The following PNPLA1 variants were observed in gnomAD, a reference collection of about 807,000 sequenced individuals.
PNPLA1 encodes the protein omega-hydroxyceramide transacylase.
In PNPLA1, 36 loss-of-function variants were observed where a neutral mutation model predicts 51.7. The observed-to-expected ratio is 0.70, with a 90% CI of 0.53 to 0.92. The LOEUF (loss-of-function observed/expected upper bound fraction) is 0.92. PNPLA1 is among the 40% of genes least tolerant of loss of function. The pLI is 0.00. For synonymous variants in PNPLA1, 293 were observed against 280.1 expected (o/e 1.05, Z -0.46); for missense variants, 658 against 682.5 (o/e 0.96, Z 0.40).
chr6:36,273,335 C>G (rs1366832650), intron 1 of PNPLA1, among the ~76,000 whole-genome samples: 1 of 152,058 alleles, frequency 6.6e-6, no homozygotes, highest in African/African-American at 2.4e-5. Flanking sequence ...TCCCCCACTC[C>G]CTCCTCTAGC....
At chr6:36,306,724 T>C (rs1034517475) in intron 7 of PNPLA1, among the ~76,000 whole-genome samples, 3 of 152,178 alleles carry the variant, frequency 2.0e-5, no homozygotes, top group Non-Finnish European at 2.9e-5. Flanking sequence ...GCAGGCATCC[T>C]ACCTCCCAGC....
intron 1 of PNPLA1, among the ~76,000 whole-genome samples, chr6:36,280,665 C>A (rs1770251632): frequency 6.6e-6 from 1 of 152,198 alleles, no homozygotes; most frequent in African/African-American, 2.4e-5. Flanking sequence ...CCCACAGTTA[C>A]CACATCATCA....
chr6:36,276,133 A>G (rs1770090155), intron 1 of PNPLA1, among the ~76,000 whole-genome samples: 1 of 151,470 alleles, frequency 6.6e-6, no homozygotes, highest in African/African-American at 2.4e-5. Context: ...TAATTTTTGT[A>G]TTTTTAGTAG....
rs1769864020 is a variant in PNPLA1, at chr6:36,270,107, T to C, written c.-353T>C. Among the ~76,000 whole-genome samples the C allele has an allele frequency of 6.6e-6, 1 of 152,194 alleles. No individual in the cohort carries two copies. Among genetic ancestry groups the C allele is most frequent in the African/African-American group, 2.4e-5 (1 of 41,452 alleles). On this transcript the variant is annotated 5_prime_UTR_variant, in exon 1 of 9. The change abolishes an upstream ATG in the 5' untranslated region. Transcript: ENST00000636260. ...GCAGTGAATGCGCCCTGGTATACCA[T>C]GGATGGGCAGAGGGCTGAGGATCCC...
intron 5 of PNPLA1, among the ~76,000 whole-genome samples, chr6:36,295,861 T>C (rs189155574): frequency 5.9e-5 from 9 of 152,346 alleles, no homozygotes; most frequent in African/African-American, 2.2e-4. Flanking sequence ...GAGTGACCTA[T>C]TGATCAGCAA....
In PNPLA1 at chr6:36,291,311, C is replaced by G. The variant is rs1770668307; in HGVS notation, c.206-9C>G. On this transcript the variant is annotated splice_polypyrimidine_tract_variant and intron_variant, in intron 1 of 8. Transcript: ENST00000636260. ...ACCGACCACCCCCTCTTCTCTGCTTCCTTTGCAGATGAGTATCTCAGAGTC... is the reference window on the plus strand; with the variant it reads ...ACCGACCACCCCCTCTTCTCTGCTTGCTTTGCAGATGAGTATCTCAGAGTC... The G allele has an allele frequency of 6.2e-7, 1 of 1,612,576 alleles. No individual in the cohort carries two copies. The highest frequency in any genetic ancestry group is 8.5e-7 in the Non-Finnish European group (1 of 1,178,994).
At chr6:36,259,574 A>G (rs1769601657) in intron 1 of PNPLA1, among the ~76,000 whole-genome samples, 1 of 152,028 alleles carries the variant, frequency 6.6e-6, no homozygotes, top group African/African-American at 2.4e-5. Flanking sequence ...AAGATCCAAC[A>G]TCGATTTAGT....
chr6:36,278,423 T>C (rs777808437), intron 1 of PNPLA1, among the ~76,000 whole-genome samples: 11 of 152,338 alleles, frequency 7.2e-5, no homozygotes, highest in African/African-American at 2.4e-4. Context: ...AATGTTACAG[T>C]GTCAAGGTCA....
chr6:36,272,097 T>TAA (rs879336241), intron 1 of PNPLA1, among the ~76,000 whole-genome samples: 12 of 152,222 alleles, frequency 7.9e-5, no homozygotes, highest in Admixed American at 7.9e-4. Context: ...GCATTACATT[T>TAA]GTTGTGCACT....
intron 1 of PNPLA1, among the ~76,000 whole-genome samples, chr6:36,246,682 C>G (rs1041276358): frequency 3.3e-5 from 5 of 152,146 alleles, no homozygotes; most frequent in African/African-American, 1.2e-4. Context: ...CACCCAGCTT[C>G]GAGTCACTCA....
At position 36,250,441 on chromosome 6, in the gene PNPLA1, C is replaced by T. The variant is rs1046960259; in HGVS notation, c.-81+7180C>T. ...GACATTGCTGAGCAGAGAAACCAAC[C>T]CCAGCAGTTATTGGGTGTTAGATTT... On this transcript the variant is annotated intron_variant, in intron 1 of 7. Transcript: ENST00000312917. 5.9e-5 allele frequency among the ~76,000 whole-genome samples: 9 copies of T among 152,110 alleles called. No homozygotes were observed. The East Asian group carries it at 7.7e-4, about 13-fold the overall frequency.
intron 1 of PNPLA1, among the ~76,000 whole-genome samples, chr6:36,256,106 T>C (rs1009611899): frequency 1.2e-4 from 18 of 152,152 alleles, no homozygotes; most frequent in African/African-American, 4.1e-4. Flanking sequence ...ACAGGTGATA[T>C]AATTGAATGA....
intron 1 of PNPLA1, among the ~76,000 whole-genome samples, chr6:36,274,523 C>A (rs1770032507): frequency 6.6e-6 from 1 of 152,164 alleles, no homozygotes; most frequent in South Asian, 2.1e-4. Context: ...ATTGATGGAT[C>A]TGACCAGTTT....
At chr6:36,248,665 C>T (rs1769356765) in intron 1 of PNPLA1, among the ~76,000 whole-genome samples, 1 of 152,054 alleles carries the variant, frequency 6.6e-6, no homozygotes, top group African/African-American at 2.4e-5. Context: ...ATTACAGGCA[C>T]ATGCCACCAT....
At chr6:36,295,281 G>A in intron 4 of PNPLA1, 83 bp from the exon 5 acceptor site, 2 of 1,386,846 alleles carry the variant, frequency 1.4e-6, no homozygotes, top group African/African-American at 1.4e-5. Context: ...AAGAGCAATG[G>A]GAGTAGCTGC....
rs1265105953 is a variant in PNPLA1 at position 36,312,653 on chromosome 6, C to T, written c.*767C>T. Among the ~76,000 whole-genome samples, 1 of 152,208 alleles carries T rather than the reference C, an allele frequency of 6.6e-6. No individual in the cohort carries two copies. The highest frequency in any genetic ancestry group is 1.9e-4 in the East Asian group (1 of 5,200). On this transcript the variant is annotated 3_prime_UTR_variant, in exon 9 of 9. Coordinates refer to ENST00000636260, the MANE Select transcript of PNPLA1 (RefSeq NM_001374623.1). ...CTTCTCACTGCTGTCCGGCACACTC[C>T]CCTGACTCTGGGCCCTTTTGAGGAC...
intron 1 of PNPLA1, among the ~76,000 whole-genome samples, chr6:36,248,545 G>A (rs1045259109): frequency 1.3e-5 from 2 of 149,054 alleles, no homozygotes; most frequent in African/African-American, 2.5e-5. Flanking sequence ...TTTTTGAGAC[G>A]GAGTCTTGCT....
intron 6 of PNPLA1, among the ~76,000 whole-genome samples, chr6:36,304,336 A>G (rs1392365993): frequency 1.3e-5 from 2 of 152,168 alleles, no homozygotes; most frequent in East Asian, 3.9e-4. Flanking sequence ...TTTTAATGAG[A>G]CAAAAACAAA....
intron 1 of PNPLA1, among the ~76,000 whole-genome samples, chr6:36,245,437 C>T (rs1311368213): frequency 6.6e-6 from 1 of 152,194 alleles, no homozygotes; most frequent in East Asian, 1.9e-4. Context: ...TGTTCATTTA[C>T]TCTCAGGGCT....
Sources: allele counts gnomAD v4.1 joint callset (sites outside exome capture counted in the v4.1 genomes callset), GRCh38; gene constraint gnomAD v4.1.1; transcripts MANE v1.5; gene names NCBI Gene and HGNC (gene_info 2026-07-23, HGNC 2026-07-21).